BIRC6: variants seen among roughly 807,000 people sequenced by gnomAD.
BIRC6 encodes the protein dual E2 ubiquitin-conjugating enzyme/E3 ubiquitin-protein ligase BIRC6.
Under a neutral mutation model 503.3 loss-of-function variants are expected in BIRC6, and 98 were observed. That is an observed-to-expected ratio of 0.19 (90% CI 0.17 to 0.23). BIRC6 has a LOEUF of 0.23. Among genes scored for constraint, BIRC6 ranks in the 10% least tolerant of loss-of-function variants. The probability of loss-of-function intolerance (pLI) is 1.00; values close to 1 mark genes in which losing one functional copy is unlikely to be tolerated. For missense variants in BIRC6, 5,360 were observed against 5,806.0 expected, an observed-to-expected ratio of 0.92 and a Z score of 2.50; for synonymous variants, 2,240 against 2,078.7, an observed-to-expected ratio of 1.08 and a Z score of -2.11.
chr2:32,594,988 A>G, intron 67 of BIRC6, 46 bp from the exon 68 acceptor site: 5 of 1,155,118 alleles, frequency 4.3e-6, no homozygotes, highest in Non-Finnish European at 4.8e-6. Context: ...TTTAAAATAT[A>G]TACTTAAAAT....
At chr2:32,584,495 T>C (rs752164447) in intron 66 of BIRC6, among the ~76,000 whole-genome samples, 2 of 152,102 alleles carry the variant, frequency 1.3e-5, no homozygotes, top group Non-Finnish European at 2.9e-5. Context: ...ATAGTGCCAT[T>C]GCACTCCAGC....
At chr2:32,380,312 T>A in intron 3 of BIRC6, 22 bp downstream of exon 3, 1 of 1,571,652 alleles carries the variant, frequency 6.4e-7, no homozygotes, top group African/African-American at 1.4e-5. Context: ...ATAGATTGCC[T>A]CTTTTGGGGT....
At chr2:32,588,553 T>C (rs2061209344) in intron 66 of BIRC6, among the ~76,000 whole-genome samples, 1 of 152,114 alleles carries the variant, frequency 6.6e-6, no homozygotes, top group Admixed American at 6.5e-5. Flanking sequence ...TTTATTGTGG[T>C]TTAATGTACC....
At chr2:32,474,204 T>A (rs2049457185) in intron 33 of BIRC6, among the ~76,000 whole-genome samples, 1 of 152,188 alleles carries the variant, frequency 6.6e-6, no homozygotes, top group African/African-American at 2.4e-5. Context: ...GGCTTTTTTT[T>A]AAAGGTAGAC....
intron 3 of BIRC6, 54 bp downstream of exon 3, chr2:32,380,344 A>G: frequency 6.6e-7 from 1 of 1,515,628 alleles, no homozygotes; most frequent in South Asian, 1.4e-5. Flanking sequence ...GGACACCTCC[A>G]TTCTTTTGCA....
chr2:32,456,309 A>T (rs1483058964), intron 23 of BIRC6, among the ~76,000 whole-genome samples: 3 of 152,198 alleles, frequency 2.0e-5, no homozygotes, highest in African/African-American at 7.2e-5. Context: ...CAATCCTATG[A>T]TTATGGCATT....
At position 32,430,966 on chromosome 2, in the gene BIRC6, G is replaced by A; in HGVS notation, c.3124G>A (p.Val1042Ile). The change falls in exon 12 of 74, where the codon GTT becomes ATT. Residue 1042 changes from valine (V) to isoleucine (I), a missense_variant. Physicochemically the swap from Val to Ile is conservative, Grantham distance 29. Coordinates refer to ENST00000421745, the MANE Select transcript of BIRC6 (RefSeq NM_016252.4). ...TTTGACTCCAAGGTTTTCAGCGACT[G>A]TTCCTCCATGCTGGGTAGAAGTTCA... ...ETLTPRFSAT[V>I]PPCWVEVQQE... The A allele has an allele frequency of 2.5e-6, 4 of 1,613,292 alleles. No homozygotes were observed. In the South Asian group the frequency reaches 4.4e-5, roughly 18 times the overall value.
intron 5 of BIRC6, among the ~76,000 whole-genome samples, chr2:32,392,874 A>C (rs1001988587): frequency 6.6e-6 from 1 of 151,780 alleles, no homozygotes; most frequent in Non-Finnish European, 1.5e-5. Context: ...ACTCCTGCTC[A>C]AGTGATCTAC....
At chr2:32,381,349 C>T (rs543711026) in intron 3 of BIRC6, among the ~76,000 whole-genome samples, 47 of 152,136 alleles carry the variant, frequency 3.1e-4, no homozygotes, top group Non-Finnish European at 5.4e-4. Context: ...AAGTGATTCT[C>T]CTGCCTCAGT....
intron 66 of BIRC6, among the ~76,000 whole-genome samples, chr2:32,576,257 A>T (rs572405719): frequency 6.6e-6 from 1 of 152,346 alleles, no homozygotes; most frequent in Admixed American, 6.5e-5. Context: ...TGGAATTAAA[A>T]TAAGTCTTAA....
chr2:32,478,299 C>G (rs1470507495), intron 35 of BIRC6, among the ~76,000 whole-genome samples: 1 of 151,994 alleles, frequency 6.6e-6, no homozygotes, highest in Non-Finnish European at 1.5e-5. Flanking sequence ...AATCGCGCCA[C>G]TTCACACCAG....
At chr2:32,379,583 T>A (rs539771310) in intron 2 of BIRC6, 2 of 152,316 alleles carry the variant, frequency 1.3e-5, no homozygotes, top group South Asian at 2.1e-4. Flanking sequence ...CTTCCAGCAT[T>A]CCAGGCTTCC....
chr2:32,426,655 A>G (rs1466863412), intron 10 of BIRC6, among the ~76,000 whole-genome samples: 1 of 152,234 alleles, frequency 6.6e-6, no homozygotes, highest in Non-Finnish European at 1.5e-5. Flanking sequence ...TATTTTATAC[A>G]ACCATTATCT....
At chr2:32,501,516 G>C (rs1418187105) in intron 46 of BIRC6, among the ~76,000 whole-genome samples, 197 bp from the exon 47 acceptor site, 1 of 152,042 alleles carries the variant, frequency 6.6e-6, no homozygotes, top group African/African-American at 2.4e-5. Flanking sequence ...TTCTTCAGCA[G>C]TTTTGGAAAA....
chr2:32,385,495 T>C (rs1271154875), intron 3 of BIRC6, among the ~76,000 whole-genome samples: 1 of 152,216 alleles, frequency 6.6e-6, no homozygotes, highest in Admixed American at 6.5e-5. Context: ...TTAATCTCTA[T>C]CTGGGACTAG....
At chr2:32,450,975 G>T (rs1215964508) in intron 22 of BIRC6, among the ~76,000 whole-genome samples, 1 of 152,106 alleles carries the variant, frequency 6.6e-6, no homozygotes, top group Non-Finnish European at 1.5e-5. Context: ...TTGAATCCAT[G>T]GATGCCAAAC....
At position 32,451,285 on chromosome 2, in the gene BIRC6, G is replaced by A. The variant is rs181427790; in HGVS notation, c.4618+2357G>A. Among the ~76,000 whole-genome samples, 301 of 152,110 alleles carry A rather than the reference G, an allele frequency of 2.0e-3. 1 individual carries two copies. Among genetic ancestry groups the A allele is most frequent in the Non-Finnish European group, 2.9e-3 (200 of 67,986 alleles). ...TCTCTTTTCCTTGCCACTTTATCTT[G>A]TGTCATTGCCCCGTTTAGTCTTTTT... On this transcript the variant is annotated intron_variant, in intron 22 of 73. Transcript: ENST00000421745.
chr2:32,468,949 T>G (rs1388723470), intron 29 of BIRC6, among the ~76,000 whole-genome samples, 166 bp downstream of exon 29: 1 of 152,236 alleles, frequency 6.6e-6, no homozygotes, highest in Non-Finnish European at 1.5e-5. Context: ...TCCCTGTTAT[T>G]TTAAACATTT....
intron 65 of BIRC6, among the ~76,000 whole-genome samples, chr2:32,570,872 A>C (rs1422428554): frequency 1.3e-5 from 2 of 152,134 alleles, no homozygotes; most frequent in Non-Finnish European, 2.9e-5. Flanking sequence ...ATCGTAGCCC[A>C]CTTTAGCCTC....
Sources: gnomAD v4.1 joint callset for allele counts (sites outside exome capture counted in the v4.1 genomes callset) on GRCh38, gnomAD v4.1.1 for gene constraint, MANE v1.5 for transcripts, NCBI Gene and HGNC (gene_info 2026-07-23, HGNC 2026-07-21) for gene names.